Variants in NR6A1 observed in about 807,000 individuals in gnomAD.
The protein encoded by NR6A1 is nuclear receptor subfamily 6 group A member 1, also known as retinoic acid receptor-related testis-associated receptor.
In NR6A1, 7 loss-of-function variants were observed where a neutral mutation model predicts 59.1. That is an observed-to-expected ratio of 0.12 (90% CI 0.07 to 0.22). The LOEUF (loss-of-function observed/expected upper bound fraction) is 0.22, where lower values mean the gene tolerates loss of function less well. Among genes scored for constraint, NR6A1 ranks in the 10% least tolerant of loss-of-function variants. The probability of loss-of-function intolerance (pLI) is 1.00; values close to 1 mark genes in which losing one functional copy is unlikely to be tolerated. For synonymous variants in NR6A1, 243 were observed against 236.1 expected, an observed-to-expected ratio of 1.03 and a Z score of -0.27; for missense variants, 468 against 611.6, an observed-to-expected ratio of 0.77 and a Z score of 2.48.
chr9:124,538,847 G>A (rs1162624105), intron 5 of NR6A1, among the ~76,000 whole-genome samples: 1 of 150,858 alleles, frequency 6.6e-6, no homozygotes, highest in Non-Finnish European at 1.5e-5. Flanking sequence ...TGAAGACAAA[G>A]GTAGATTTTT....
chr9:124,585,312 A>T (rs1426602582), intron 2 of NR6A1, among the ~76,000 whole-genome samples: 2 of 152,108 alleles, frequency 1.3e-5, no homozygotes, highest in African/African-American at 4.8e-5. Flanking sequence ...AGGCCAAGGC[A>T]GGCAGATCAT....
intron 2 of NR6A1, among the ~76,000 whole-genome samples, chr9:124,689,562 A>G (rs1837424612): frequency 6.6e-6 from 1 of 152,192 alleles, no homozygotes; most frequent in African/African-American, 2.4e-5. Flanking sequence ...CAGATACATA[A>G]CCTTATTGGA....
chr9:124,730,028 G>A (rs1839837625), intron 2 of NR6A1, among the ~76,000 whole-genome samples: 1 of 151,952 alleles, frequency 6.6e-6, no homozygotes, highest in Non-Finnish European at 1.5e-5. Flanking sequence ...GGTCAGGCTG[G>A]TCTTGAACTC....
intron 1 of NR6A1, among the ~76,000 whole-genome samples, chr9:124,741,914 G>C (rs1489433016): frequency 6.6e-6 from 1 of 152,178 alleles, no homozygotes; most frequent in African/African-American, 2.4e-5. Flanking sequence ...CGATATCAGG[G>C]AGAAGAGAAG....
intron 2 of NR6A1, among the ~76,000 whole-genome samples, chr9:124,727,147 A>AAAG (rs1839746485): frequency 6.6e-6 from 1 of 152,198 alleles, no homozygotes; most frequent in Non-Finnish European, 1.5e-5. Flanking sequence ...GTCTAAAATG[A>AAAG]AAGCTCTTTT....
At chr9:124,646,531 C>T (rs984398753) in intron 2 of NR6A1, among the ~76,000 whole-genome samples, 1 of 152,126 alleles carries the variant, frequency 6.6e-6, no homozygotes, top group Non-Finnish European at 1.5e-5. Context: ...ATGAATAAGT[C>T]TATGTCCACA....
chr9:124,587,021 G>A (rs1834957597), intron 2 of NR6A1, among the ~76,000 whole-genome samples: 1 of 152,074 alleles, frequency 6.6e-6, no homozygotes, highest in Admixed American at 6.5e-5. Flanking sequence ...CAATAAAATC[G>A]GCTTCATTGC....
chr9:124,650,303 T>C (rs1437446338), intron 2 of NR6A1, among the ~76,000 whole-genome samples: 3 of 152,100 alleles, frequency 2.0e-5, no homozygotes, highest in African/African-American at 7.2e-5. Context: ...GCAACATGGA[T>C]GGAACTGTTA....
chr9:124,599,538 T>C (rs1835387182), intron 2 of NR6A1: 3 of 637,298 alleles, frequency 4.7e-6, no homozygotes, highest in South Asian at 3.0e-5. Context: ...TCATTCTCAA[T>C]GGAAGTATCG....
chr9:124,666,248 T>C (rs969510628), intron 2 of NR6A1, among the ~76,000 whole-genome samples: 16 of 151,432 alleles, frequency 1.1e-4, no homozygotes, highest in African/African-American at 3.4e-4. Context: ...GTGACCTAGA[T>C]TTTGGCGGAA....
chr9:124,709,610 C>T (rs1219323687), intron 2 of NR6A1, among the ~76,000 whole-genome samples: 1 of 152,054 alleles, frequency 6.6e-6, no homozygotes, highest in African/African-American at 2.4e-5. Context: ...AATTCAATTG[C>T]ATGCTCTGCC....
At chr9:124,538,571 T>C (rs1833351902) in intron 5 of NR6A1, among the ~76,000 whole-genome samples, 1 of 152,184 alleles carries the variant, frequency 6.6e-6, no homozygotes, top group Non-Finnish European at 1.5e-5. Context: ...AGGTAATGAA[T>C]AAATATTGGT....
intron 2 of NR6A1, among the ~76,000 whole-genome samples, chr9:124,684,888 G>C (rs569364957): frequency 6.6e-6 from 1 of 152,226 alleles, no homozygotes; most frequent in African/African-American, 2.4e-5. Flanking sequence ...ATTTACAATA[G>C]TTTTGGGTGC....
At chr9:124,619,370 C>T (rs1835995474) in intron 2 of NR6A1, among the ~76,000 whole-genome samples, 1 of 152,062 alleles carries the variant, frequency 6.6e-6, no homozygotes, top group African/African-American at 2.4e-5. Context: ...CTAAAGTGAT[C>T]CTCCTGCCTT....
intron 2 of NR6A1, among the ~76,000 whole-genome samples, chr9:124,649,665 G>A (rs973782734): frequency 6.6e-6 from 1 of 152,040 alleles, no homozygotes; most frequent in Non-Finnish European, 1.5e-5. Context: ...AAAATAAAGA[G>A]ATAACCTAAA....
At chr9:124,553,207 G>A (rs1409776261) in intron 3 of NR6A1, among the ~76,000 whole-genome samples, 1 of 152,132 alleles carries the variant, frequency 6.6e-6, no homozygotes, top group East Asian at 1.9e-4. Context: ...TCTGCTGAAT[G>A]ACACTGCTCT....
intron 2 of NR6A1, among the ~76,000 whole-genome samples, chr9:124,565,621 C>T (rs1384179287): frequency 2.6e-5 from 4 of 152,048 alleles, no homozygotes; most frequent in African/African-American, 9.7e-5. Context: ...CATAAAACTC[C>T]TATATAAGAA....
chr9:124,565,414 G>A lies in NR6A1; in HGVS notation c.143-10844C>T, dbSNP rs183890530. The stretch of plus-strand genomic sequence containing the variant: ...TGCACTCCAGCCTGGGCAACAGAAC[G>A]AGACTCCGTCTCAAAAACAAACAAA... On this transcript the variant is annotated intron_variant, in intron 2 of 9. Transcript: ENST00000487099. Among the ~76,000 whole-genome samples the A allele has an allele frequency of 1.4e-4, 22 of 152,046 alleles. No individual in the cohort carries two copies. In the East Asian group the frequency reaches 3.7e-3, roughly 25 times the overall value.
chr9:124,757,605 T>C (rs1437417308), intron 1 of NR6A1, among the ~76,000 whole-genome samples: 1 of 152,178 alleles, frequency 6.6e-6, no homozygotes, highest in Non-Finnish European at 1.5e-5. Flanking sequence ...CACTGGATTC[T>C]TAAGCAGCTC....
Sources: allele counts gnomAD v4.1 joint callset (sites outside exome capture counted in the v4.1 genomes callset), GRCh38; gene constraint gnomAD v4.1.1; transcripts MANE v1.5; gene names NCBI Gene and HGNC (gene_info 2026-07-23, HGNC 2026-07-21).